Variants in CHMP2B observed in about 807,000 individuals in gnomAD.
CHMP2B encodes the protein charged multivesicular body protein 2B.
In CHMP2B, 22 loss-of-function variants were observed where a neutral mutation model predicts 29.8. That is an observed-to-expected ratio of 0.74 (90% confidence interval 0.53 to 1.05). CHMP2B has a LOEUF of 1.05. Ranked by LOEUF, CHMP2B falls within the 50% of genes least tolerant of loss-of-function variation. CHMP2B has a pLI of 0.00. For synonymous variants in CHMP2B, 78 were observed against 75.8 expected (o/e 1.03, Z -0.15); for missense variants, 261 against 252.2 (o/e 1.03, Z -0.24).
chr3:87,248,573 T>G (rs1029691024), intron 3 of CHMP2B, among the ~76,000 whole-genome samples: 2 of 152,056 alleles, frequency 1.3e-5, no homozygotes, highest in South Asian at 4.2e-4. Flanking sequence ...GCTAGGCTAG[T>G]CTCAAACTCC....
In CHMP2B at chr3:87,227,462, T is replaced by A; in HGVS notation, c.-61T>A. 6.2e-7 allele frequency: 1 copy of A among 1,604,718 alleles called. No homozygotes were observed. Among genetic ancestry groups the A allele is most frequent in the East Asian group, 2.2e-5 (1 of 44,804 alleles). ...CCAAGGTCCTGTCCTTTTCCTCCTG[T>A]CCTTTGCCAGCGTTGGGCCGGACCG... On this transcript the variant is annotated 5_prime_UTR_variant, in exon 1 of 6. Transcript: ENST00000263780.
At chr3:87,240,444 C>T (rs1014880555) in intron 1 of CHMP2B, 4 of 360,970 alleles carry the variant, frequency 1.1e-5, no homozygotes, top group African/African-American at 2.1e-5. Flanking sequence ...CCGAGTAGCT[C>T]GGATTACAGG....
At position 87,227,419 on chromosome 3, in the gene CHMP2B, T is replaced by C; in HGVS notation, c.-104T>C. The C allele has an allele frequency of 7.2e-7, 1 of 1,386,164 alleles. No individual in the cohort carries two copies. Among genetic ancestry groups the C allele is most frequent in the Non-Finnish European group, 1.0e-6 (1 of 974,826 alleles). 85.9% of individuals were successfully genotyped at this position (1,386,164 alleles called of 1,614,324 possible). Reference sequence around the variant, plus strand: ...CGACCTCCTCCTGCTGTCTCTCCGCTCCGCCACCCCGAACCCGCCAAGGTC... The same window carrying C: ...CGACCTCCTCCTGCTGTCTCTCCGCCCCGCCACCCCGAACCCGCCAAGGTC... On this transcript the variant is annotated 5_prime_UTR_variant, in exon 1 of 6. Coordinates refer to ENST00000263780, the MANE Select transcript of CHMP2B (RefSeq NM_014043.4).
intron 1 of CHMP2B, among the ~76,000 whole-genome samples, chr3:87,235,465 C>CT (rs1705988892): frequency 6.6e-6 from 1 of 152,032 alleles, no homozygotes; most frequent in Non-Finnish European, 1.5e-5. Context: ...ATTAGCCGCT[C>CT]TGAGTTTATA....
intron 1 of CHMP2B, among the ~76,000 whole-genome samples, chr3:87,232,865 C>T (rs1553671385): frequency 6.6e-6 from 1 of 152,154 alleles, no homozygotes; most frequent in Non-Finnish European, 1.5e-5. Flanking sequence ...AGTCTACTGA[C>T]ATGTGCCCAT....
At chr3:87,228,603 G>A (rs1199766609) in intron 1 of CHMP2B, among the ~76,000 whole-genome samples, 3 of 152,128 alleles carry the variant, frequency 2.0e-5, no homozygotes, top group Non-Finnish European at 2.9e-5. Context: ...ATTTTGGGGA[G>A]GATAACAAAG....
At chr3:87,230,675 T>A (rs1269470745) in intron 1 of CHMP2B, among the ~76,000 whole-genome samples, 1 of 152,174 alleles carries the variant, frequency 6.6e-6, no homozygotes, top group East Asian at 1.9e-4. Context: ...GTATGGCCAG[T>A]TTCTTTTTGC....
chr3:87,229,527 T>C (rs1705870008), intron 1 of CHMP2B, among the ~76,000 whole-genome samples: 2 of 152,182 alleles, frequency 1.3e-5, no homozygotes, highest in Non-Finnish European at 2.9e-5. Flanking sequence ...TATTTTGATA[T>C]AGAGCTTTAC....
chr3:87,240,166 C>T (rs1706088795), intron 1 of CHMP2B, among the ~76,000 whole-genome samples: 1 of 152,030 alleles, frequency 6.6e-6, no homozygotes, highest in South Asian at 2.1e-4. Context: ...AAATCTCAGA[C>T]TGTAGCATAT....
intron 1 of CHMP2B, among the ~76,000 whole-genome samples, chr3:87,228,219 G>A (rs1395613496): frequency 6.6e-6 from 1 of 152,186 alleles, no homozygotes; most frequent in African/African-American, 2.4e-5. Flanking sequence ...AACATGTAAA[G>A]ATAATTGTGT....
intron 2 of CHMP2B, 43 bp from the exon 3 acceptor site, chr3:87,245,671 C>T (rs775173904): frequency 1.3e-6 from 2 of 1,487,054 alleles, no homozygotes; most frequent in African/African-American, 1.4e-5. Flanking sequence ...TTGACGACTA[C>T]CCTTTAATAA....
chr3:87,230,300 A>C (rs970043182), intron 1 of CHMP2B, among the ~76,000 whole-genome samples: 1 of 152,216 alleles, frequency 6.6e-6, no homozygotes, highest in Non-Finnish European at 1.5e-5. Flanking sequence ...AGCATTGTGC[A>C]TGCCATGTCT....
chr3:87,252,548 A>G (rs939289996), intron 4 of CHMP2B, among the ~76,000 whole-genome samples: 1 of 151,838 alleles, frequency 6.6e-6, no homozygotes, highest in Non-Finnish European at 1.5e-5. Context: ...ATTACTTCAC[A>G]TGTAACTTCC....
intron 2 of CHMP2B, among the ~76,000 whole-genome samples, chr3:87,245,341 A>G (rs1427856765): frequency 6.6e-6 from 1 of 151,464 alleles, no homozygotes; most frequent in African/African-American, 2.4e-5. Context: ...CTAGTTTTAG[A>G]TCTATCACTT....
In CHMP2B at chr3:87,227,455, C is replaced by T. The variant is rs1705829549; in HGVS notation, c.-68C>T. 3.8e-6 allele frequency: 6 copies of T among 1,595,584 alleles called. No homozygotes were observed. Among genetic ancestry groups the T allele is most frequent in the Admixed American group, 3.3e-5 (2 of 59,974 alleles). ...GAACCCGCCAAGGTCCTGTCCTTTT[C>T]CTCCTGTCCTTTGCCAGCGTTGGGC... On this transcript the variant is annotated 5_prime_UTR_variant, in exon 1 of 6. Coordinates refer to ENST00000263780, the MANE Select transcript of CHMP2B (RefSeq NM_014043.4).
intron 1 of CHMP2B, among the ~76,000 whole-genome samples, chr3:87,228,095 A>G (rs1705846354): frequency 6.6e-6 from 1 of 152,172 alleles, no homozygotes; most frequent in African/African-American, 2.4e-5. Context: ...CAGTAGAAAA[A>G]TAAACCCAAG....
intron 1 of CHMP2B, chr3:87,240,296 G>GT (rs1426118340): frequency 1.3e-3 from 193 of 146,612 alleles, no homozygotes; most frequent in Admixed American, 1.9e-3. Flanking sequence ...AAATCTAAGG[G>GT]TTTTTTTTTG....
At chr3:87,239,543 C>A (rs990728431) in intron 1 of CHMP2B, among the ~76,000 whole-genome samples, 9 of 152,108 alleles carry the variant, frequency 5.9e-5, no homozygotes, top group Non-Finnish European at 8.8e-5. Context: ...GTTTTTAAAT[C>A]TCTTTATTAA....
intron 1 of CHMP2B, among the ~76,000 whole-genome samples, chr3:87,230,439 T>G (rs954741291): frequency 2.0e-4 from 30 of 152,176 alleles, no homozygotes; most frequent in African/African-American, 7.2e-4. Flanking sequence ...CCTTTGAGTA[T>G]TATTATTACT....
Sources: gnomAD v4.1 joint callset for allele counts (sites outside exome capture counted in the v4.1 genomes callset) on GRCh38, gnomAD v4.1.1 for gene constraint, MANE v1.5 for transcripts, NCBI Gene and HGNC (gene_info 2026-07-23, HGNC 2026-07-21) for gene names.